The following GPC6 variants were observed in gnomAD, a reference collection of about 807,000 sequenced individuals.
GPC6 encodes the protein glypican 6.
A neutral mutation model predicts 55.2 loss-of-function variants in GPC6; 14 were observed. That is an observed-to-expected ratio of 0.25 (90% CI 0.17 to 0.40). GPC6 has a LOEUF of 0.40. Among genes scored for constraint, GPC6 ranks in the 10% least tolerant of loss-of-function variants. GPC6 has a pLI of 1.00. For synonymous variants in GPC6, 278 were observed against 259.6 expected (o/e 1.07, Z -0.68); for missense variants, 641 against 708.5 (o/e 0.90, Z 1.08).
chr13:94,275,779 A>G (rs1566624023), intron 4 of GPC6, among the ~76,000 whole-genome samples: 1 of 152,158 alleles, frequency 6.6e-6, no homozygotes, highest in Non-Finnish European at 1.5e-5. Context: ...CAAAGAAGAG[A>G]AAGAGACAAA....
chr13:93,304,917 C>T (rs1203106369), intron 1 of GPC6, among the ~76,000 whole-genome samples: 1 of 152,208 alleles, frequency 6.6e-6, no homozygotes, highest in Non-Finnish European at 1.5e-5. Flanking sequence ...GTTTTGGCAT[C>T]TTACCTTTGT....
At chr13:93,614,243 G>A (rs1878622392) in intron 2 of GPC6, among the ~76,000 whole-genome samples, 1 of 152,112 alleles carries the variant, frequency 6.6e-6, no homozygotes, top group Admixed American at 6.6e-5. Context: ...TAAACTAAAT[G>A]ACAATACGCT....
intron 3 of GPC6, among the ~76,000 whole-genome samples, chr13:93,848,970 T>G (rs1240569900): frequency 6.6e-6 from 1 of 152,098 alleles, no homozygotes; most frequent in Non-Finnish European, 1.5e-5. Flanking sequence ...AACCAGTTTT[T>G]TACTCACCCT....
intron 1 of GPC6, among the ~76,000 whole-genome samples, chr13:93,478,274 T>C (rs1879375881): frequency 1.3e-5 from 2 of 152,222 alleles, no homozygotes; most frequent in South Asian, 2.1e-4. Flanking sequence ...GCCATTTTTT[T>C]CTTCAGTTCT....
At chr13:94,113,358 A>T (rs1010291073) in intron 4 of GPC6, among the ~76,000 whole-genome samples, 1 of 151,888 alleles carries the variant, frequency 6.6e-6, no homozygotes, top group African/African-American at 2.4e-5. Context: ...AGTTAATCAT[A>T]CTCTCAGTTC....
At chr13:93,583,770 AT>A (rs200884498) in intron 2 of GPC6, among the ~76,000 whole-genome samples, 2,478 of 152,312 alleles carry the variant, frequency 0.016, 42 homozygotes, top group South Asian at 0.031. Flanking sequence ...AAGAAAGTAT[AT>A]TATATACGGA....
chr13:93,997,089 T>C (rs1428777273), intron 3 of GPC6, among the ~76,000 whole-genome samples: 1 of 152,186 alleles, frequency 6.6e-6, no homozygotes, highest in Admixed American at 6.6e-5. Flanking sequence ...TGCAAATTCC[T>C]ACACCCGTGT....
chr13:93,388,539 G>A (rs1875491621), intron 1 of GPC6, among the ~76,000 whole-genome samples: 1 of 152,170 alleles, frequency 6.6e-6, no homozygotes, highest in South Asian at 2.1e-4. Context: ...TTCAGAGGCA[G>A]ACTAAGGTCA....
chr13:93,389,395 T>A (rs542831889), intron 1 of GPC6, among the ~76,000 whole-genome samples: 1 of 151,568 alleles, frequency 6.6e-6, no homozygotes, highest in East Asian at 1.9e-4. Context: ...TCCTAGCTAC[T>A]TGGGAGGCTG....
intron 1 of GPC6, among the ~76,000 whole-genome samples, chr13:93,324,318 A>G (rs906852910): frequency 2.0e-5 from 3 of 151,910 alleles, no homozygotes; most frequent in African/African-American, 7.3e-5. Context: ...TGCAGGGGGG[A>G]TGGTAAGTGG....
intron 2 of GPC6, among the ~76,000 whole-genome samples, chr13:93,757,587 T>A (rs1884818287): frequency 6.6e-6 from 1 of 152,212 alleles, no homozygotes; most frequent in African/African-American, 2.4e-5. Flanking sequence ...GTTATTCCTA[T>A]CTGTGAGTCC....
chr13:93,983,376 A>T (rs1358367029), intron 3 of GPC6, among the ~76,000 whole-genome samples: 2 of 152,126 alleles, frequency 1.3e-5, no homozygotes, highest in Non-Finnish European at 2.9e-5. Context: ...GCTTTCTGGT[A>T]TGTTGGAGAA....
chr13:93,999,076 ATGTGCAGTTT>A (rs2140422811), intron 3 of GPC6, among the ~76,000 whole-genome samples: 1 of 152,220 alleles, frequency 6.6e-6, no homozygotes, highest in African/African-American at 2.4e-5. Flanking sequence ...CATGTGCAGA[ATGTGCAGTTT>A]TGTTACTTAG....
rs1045790693 is a variant in GPC6, at chr13:94,116,389, T to C, written c.877+88495T>C. Reference sequence around the variant, plus strand: ...AGAAAATTAAAAGAAGTCCCAATTGTCATATGTAAAGGTGCACAAAGGGTT... The same window carrying C: ...AGAAAATTAAAAGAAGTCCCAATTGCCATATGTAAAGGTGCACAAAGGGTT... On this transcript the variant is annotated intron_variant, in intron 4 of 8. Coordinates refer to ENST00000377047, the MANE Select transcript of GPC6 (RefSeq NM_005708.5). Among the ~76,000 whole-genome samples, 3 of 152,182 alleles carry C rather than the reference T, an allele frequency of 2.0e-5. No homozygotes were observed. The East Asian group carries it at 5.8e-4, about 29-fold the overall frequency.
rs1179785198 is a variant in GPC6 at position 94,283,145 on chromosome 13, C to T, written c.878-3204C>T. On this transcript the variant is annotated intron_variant, in intron 4 of 8. Transcript: ENST00000377047. ...TAGCAATTGCTGTCAATACTTCCACCAAAATATCTTACAAATTGGTCCTTT... is the reference window on the plus strand; with the variant it reads ...TAGCAATTGCTGTCAATACTTCCACTAAAATATCTTACAAATTGGTCCTTT... 3.3e-5 allele frequency among the ~76,000 whole-genome samples: 5 copies of T among 152,306 alleles called. No individual in the cohort carries two copies. The East Asian group carries it at 7.7e-4, about 23-fold the overall frequency.
At chr13:94,377,195 C>A (rs898574237) in intron 6 of GPC6, among the ~76,000 whole-genome samples, 4 of 151,908 alleles carry the variant, frequency 2.6e-5, no homozygotes, top group Non-Finnish European at 4.4e-5. Flanking sequence ...ACACAATTGA[C>A]AAATGGGATC....
chr13:93,424,476 C>T (rs1199481671), intron 1 of GPC6, among the ~76,000 whole-genome samples: 5 of 152,226 alleles, frequency 3.3e-5, no homozygotes, highest in East Asian at 1.9e-4. Flanking sequence ...CATCCTGATG[C>T]GGGGATCTGA....
At chr13:93,570,333 C>A (rs1413549531) in intron 2 of GPC6, among the ~76,000 whole-genome samples, 3 of 152,050 alleles carry the variant, frequency 2.0e-5, no homozygotes, top group Non-Finnish European at 1.5e-5. Flanking sequence ...CTTATTTATT[C>A]CTTTGTTGTT....
chr13:93,971,804 C>T (rs961414644), intron 3 of GPC6, among the ~76,000 whole-genome samples: 3 of 152,186 alleles, frequency 2.0e-5, no homozygotes, highest in South Asian at 2.1e-4. Context: ...CCAGAGGAAA[C>T]GACAGAACTG....
Sources: gnomAD v4.1 joint callset for allele counts (sites outside exome capture counted in the v4.1 genomes callset) on GRCh38, gnomAD v4.1.1 for gene constraint, MANE v1.5 for transcripts, NCBI Gene and HGNC (gene_info 2026-07-23, HGNC 2026-07-21) for gene names.